The following CACNA2D1 variants were observed in gnomAD, a reference collection of about 807,000 sequenced individuals.
CACNA2D1 encodes the protein voltage-dependent calcium channel subunit alpha-2/delta-1.
Under a neutral mutation model 171.5 loss-of-function variants are expected in CACNA2D1, and 53 were observed. That is an observed-to-expected ratio of 0.31 (90% CI 0.25 to 0.39). The LOEUF (loss-of-function observed/expected upper bound fraction) is 0.39, where lower values mean the gene tolerates loss of function less well. Ranked by LOEUF, CACNA2D1 falls within the 10% of genes least tolerant of loss-of-function variation. The pLI, the probability that CACNA2D1 is intolerant of heterozygous loss-of-function variation, is 1.00. For synonymous variants in CACNA2D1, 442 were observed against 443.1 expected (o/e 1.00, Z 0.03); for missense variants, 903 against 1,299.8 (o/e 0.69, Z 4.69).
At chr7:82,065,478 T>C (rs1358136984) in intron 8 of CACNA2D1, among the ~76,000 whole-genome samples, 2 of 152,188 alleles carry the variant, frequency 1.3e-5, no homozygotes, top group Admixed American at 1.3e-4. Context: ...TATTAGTTTT[T>C]AGCTCCACTC....
chr7:82,297,096 A>AAAAT (rs1377126136), intron 3 of CACNA2D1, among the ~76,000 whole-genome samples: 3 of 133,140 alleles, frequency 2.3e-5, no homozygotes, highest in African/African-American at 8.8e-5. Context: ...AAAAAAAAAA[A>AAAAT]ATTAGCCAGG....
At chr7:81,985,584 C>CT (rs1354621780) in intron 21 of CACNA2D1, among the ~76,000 whole-genome samples, 2 of 152,150 alleles carry the variant, frequency 1.3e-5, no homozygotes, top group African/African-American at 4.8e-5. Context: ...TTCTCTAGTA[C>CT]TAGTCTACTC....
At chr7:81,988,443 C>T (rs1373114287) in intron 21 of CACNA2D1, among the ~76,000 whole-genome samples, 5 of 152,156 alleles carry the variant, frequency 3.3e-5, no homozygotes, top group African/African-American at 1.2e-4. Context: ...ATGCTCTCCT[C>T]TTCTGTCTAT....
At chr7:82,439,003 C>G (rs1206959669) in intron 1 of CACNA2D1, among the ~76,000 whole-genome samples, 1 of 152,158 alleles carries the variant, frequency 6.6e-6, no homozygotes, top group African/African-American at 2.4e-5. Context: ...CAACAAATTG[C>G]ATGATTTGCC....
intron 3 of CACNA2D1, among the ~76,000 whole-genome samples, chr7:82,270,049 T>C (rs909170084): frequency 1.3e-5 from 2 of 152,204 alleles, no homozygotes; most frequent in Admixed American, 1.3e-4. Flanking sequence ...CAGTTCTGCA[T>C]CATTGTTCTG....
At chr7:82,322,125 C>CAAAAA (rs71093373) in intron 3 of CACNA2D1, among the ~76,000 whole-genome samples, 32 of 43,642 alleles carry the variant, frequency 7.3e-4, no homozygotes, top group East Asian at 8.8e-4. Context: ...GACTCCGTCT[C>CAAAAA]AAAAAAAAAA....
intron 12 of CACNA2D1, among the ~76,000 whole-genome samples, chr7:82,014,979 G>C (rs1490236806): frequency 6.6e-6 from 1 of 152,044 alleles, no homozygotes; most frequent in Non-Finnish European, 1.5e-5. Context: ...TTGAACCAGG[G>C]AGGCGGAGGT....
intron 1 of CACNA2D1, among the ~76,000 whole-genome samples, chr7:82,430,253 T>C (rs939808251): frequency 3.7e-4 from 56 of 151,738 alleles, no homozygotes; most frequent in African/African-American, 1.3e-3. Flanking sequence ...CCGTCTCTAC[T>C]CAGAATATAA....
intron 24 of CACNA2D1, among the ~76,000 whole-genome samples, chr7:81,979,983 AG>A (rs2130599819): frequency 6.6e-6 from 1 of 152,004 alleles, no homozygotes; most frequent in African/African-American, 2.4e-5. Flanking sequence ...GCTCCCCAAG[AG>A]AAATAGAGAA....
intron 2 of CACNA2D1, among the ~76,000 whole-genome samples, chr7:82,348,667 T>C (rs926784514): frequency 2.0e-5 from 3 of 152,168 alleles, no homozygotes; most frequent in Admixed American, 2.0e-4. Context: ...TTTCTATTAA[T>C]ACATAAAGTA....
intron 1 of CACNA2D1, among the ~76,000 whole-genome samples, chr7:82,397,162 A>G (rs1332268302): frequency 6.6e-6 from 1 of 152,148 alleles, no homozygotes; most frequent in African/African-American, 2.4e-5. Flanking sequence ...CGCTTTCCCC[A>G]AAAGGATTCT....
In CACNA2D1 at chr7:81,955,905, T is replaced by TG. The variant is rs59823054; in HGVS notation, c.3159+3369dup. Among the ~76,000 whole-genome samples, 295 of 53,346 alleles carry TG rather than the reference T, an allele frequency of 5.5e-3. 1 individual carries two copies. Among genetic ancestry groups the TG allele is most frequent in the Non-Finnish European group, 7.6e-3 (212 of 28,020 alleles). The allele number at this position is 53,346 out of a possible 152,430, so 35.0% of individuals were successfully genotyped here. On this transcript the variant is annotated intron_variant, in intron 38 of 38. Transcript: ENST00000356860. ...CCATAATAGGAAAATGTTATTTTGG[T>TG]GGGGGGGGGGGGGGGTGGTGGTCTT...
chr7:82,397,033 T>C (rs2129451303), intron 1 of CACNA2D1, among the ~76,000 whole-genome samples: 2 of 152,278 alleles, frequency 1.3e-5, no homozygotes, highest in African/African-American at 2.4e-5. Flanking sequence ...CTTTCACCTG[T>C]TTCTAGGTTT....
At chr7:82,405,738 A>G (rs1255431192) in intron 1 of CACNA2D1, among the ~76,000 whole-genome samples, 1 of 152,174 alleles carries the variant, frequency 6.6e-6, no homozygotes, top group African/African-American at 2.4e-5. Flanking sequence ...TCTCCAACCC[A>G]TCATCAAAGT....
intron 1 of CACNA2D1, among the ~76,000 whole-genome samples, chr7:82,427,219 A>T (rs956106816): frequency 6.6e-6 from 1 of 152,168 alleles, no homozygotes; most frequent in Non-Finnish European, 1.5e-5. Flanking sequence ...AAAATGTTTA[A>T]AAGAGAGGAA....
At chr7:81,997,437 G>C (rs977591406) in intron 18 of CACNA2D1, among the ~76,000 whole-genome samples, 187 bp from the exon 19 acceptor site, 1 of 150,486 alleles carries the variant, frequency 6.6e-6, no homozygotes, top group East Asian at 1.9e-4. Flanking sequence ...TAGAGATTGA[G>C]CTTTAAGTGC....
chr7:82,285,985 T>C (rs994191358), intron 3 of CACNA2D1, among the ~76,000 whole-genome samples: 1 of 152,204 alleles, frequency 6.6e-6, no homozygotes, highest in African/African-American at 2.4e-5. Context: ...AGCATTTTCT[T>C]GGGCTATCCA....
intron 3 of CACNA2D1, among the ~76,000 whole-genome samples, chr7:82,263,853 C>G (rs533308793): frequency 6.6e-6 from 1 of 152,056 alleles, no homozygotes; most frequent in East Asian, 1.9e-4. Context: ...AGAAGATTAC[C>G]CCAATCTCTG....
chr7:82,390,891 A>G (rs1003159209), intron 1 of CACNA2D1, among the ~76,000 whole-genome samples: 5 of 152,198 alleles, frequency 3.3e-5, no homozygotes, highest in African/African-American at 4.8e-5. Context: ...CTTTCATGAT[A>G]TAGTAGCTCC....
Sources: gnomAD v4.1 joint callset for allele counts (sites outside exome capture counted in the v4.1 genomes callset) on GRCh38, gnomAD v4.1.1 for gene constraint, MANE v1.5 for transcripts, NCBI Gene and HGNC (gene_info 2026-07-23, HGNC 2026-07-21) for gene names.